Variants in TRPC5 observed in about 807,000 individuals in gnomAD.
The protein encoded by TRPC5 is transient receptor potential cation channel subfamily C member 5.
In TRPC5, 9 loss-of-function variants were observed where a neutral mutation model predicts 56.5. The ratio of observed to expected loss-of-function variants is 0.16; its 90% CI spans 0.10 to 0.28. The LOEUF (loss-of-function observed/expected upper bound fraction) is 0.28, where lower values mean the gene tolerates loss of function less well. Among genes scored for constraint, TRPC5 ranks in the 10% least tolerant of loss-of-function variants. The pLI is 1.00. For synonymous variants in TRPC5, 282 were observed against 278.5 expected (o/e 1.01, Z -0.13); for missense variants, 469 against 748.9 (o/e 0.63, Z 4.36).
At chrX:111,949,169 C>T (rs931711710) in intron 2 of TRPC5, among the ~76,000 whole-genome samples, 2 of 111,799 alleles carry the variant, frequency 1.8e-5, no homozygotes, top group Non-Finnish European at 3.8e-5. Context: ...TCATCTCTCA[C>T]GTTATACAAA....
At chrX:112,069,785 A>T (rs753185974) in intron 1 of TRPC5, among the ~76,000 whole-genome samples, 1 of 111,479 alleles carries the variant, frequency 9.0e-6, no homozygotes, top group Admixed American at 9.5e-5. Flanking sequence ...AGGGAGCCAA[A>T]CCCAGCACAC....
rs141067527 is a variant in TRPC5, at chrX:111,802,985, A to G, written c.1897-20847T>C. Among the ~76,000 whole-genome samples the G allele has an allele frequency of 1.9e-4, 21 of 110,828 alleles. No homozygotes were observed. In the East Asian group the frequency reaches 5.7e-3, roughly 30 times the overall value. ...CACCCATCAACTCATCATTTACATC[A>G]GGTGTTTCTCCTAATGCTATCCCTC... On this transcript the variant is annotated intron_variant, in intron 7 of 10. Coordinates refer to ENST00000262839, the MANE Select transcript of TRPC5 (RefSeq NM_012471.3).
chrX:111,963,303 A>C (rs1383814460), intron 1 of TRPC5, among the ~76,000 whole-genome samples: 2 of 112,641 alleles, frequency 1.8e-5, no homozygotes, highest in Non-Finnish European at 3.8e-5. Flanking sequence ...CCCAGGCTTG[A>C]TTAGGTAAAC....
At chrX:111,783,902 A>G (rs892232917) in intron 7 of TRPC5, among the ~76,000 whole-genome samples, 1 of 112,013 alleles carries the variant, frequency 8.9e-6, no homozygotes, top group African/African-American at 3.2e-5. Flanking sequence ...TTATAGTTGT[A>G]AGATATGCCT....
intron 1 of TRPC5, among the ~76,000 whole-genome samples, chrX:112,050,959 T>A (rs959877407): frequency 1.8e-5 from 2 of 112,386 alleles, no homozygotes; most frequent in African/African-American, 6.5e-5. Flanking sequence ...ATAATCCAAG[T>A]GTGCCACTTA....
At chrX:111,961,586 A>G (rs754712553) in intron 1 of TRPC5, among the ~76,000 whole-genome samples, 4 of 112,120 alleles carry the variant, frequency 3.6e-5, no homozygotes, top group Non-Finnish European at 7.5e-5. Context: ...GTATTTAACT[A>G]GTCTCAAGCT....
At chrX:112,080,954 A>G (rs1366229715) in intron 1 of TRPC5, among the ~76,000 whole-genome samples, 1 of 112,447 alleles carries the variant, frequency 8.9e-6, no homozygotes, top group East Asian at 2.8e-4. Context: ...CTCTAAAAAG[A>G]GCATTATCAA....
chrX:111,882,785 T>C (rs1444053996), intron 3 of TRPC5, among the ~76,000 whole-genome samples: 2 of 112,360 alleles, frequency 1.8e-5, no homozygotes, highest in East Asian at 5.6e-4. Context: ...GTCGGCCCAG[T>C]TAAGACCTAG....
intron 3 of TRPC5, among the ~76,000 whole-genome samples, chrX:111,876,596 T>C (rs1923955946): frequency 1.8e-5 from 2 of 111,735 alleles, no homozygotes; most frequent in Non-Finnish European, 3.8e-5. Flanking sequence ...TAAGACCTAA[T>C]GCCCTGAGGG....
At chrX:112,048,399 C>CAAAAA (rs58537492) in intron 1 of TRPC5, among the ~76,000 whole-genome samples, 649 of 21,427 alleles carry the variant, frequency 0.03, 96 homozygotes, top group African/African-American at 0.097. Flanking sequence ...GACTCCGTAT[C>CAAAAA]AAAAAAAAAA....
At chrX:112,036,329 A>T (rs1173765141) in intron 1 of TRPC5, among the ~76,000 whole-genome samples, 1 of 112,231 alleles carries the variant, frequency 8.9e-6, no homozygotes, top group Non-Finnish European at 1.9e-5. Flanking sequence ...AATGTCCACC[A>T]CTTTCACACT....
intron 1 of TRPC5, among the ~76,000 whole-genome samples, chrX:111,981,212 AAAAACCAGCAGGCTT>A (rs1340315658): frequency 9.1e-6 from 1 of 110,162 alleles, no homozygotes; most frequent in African/African-American, 3.3e-5. Flanking sequence ...GTTCCAGTTC[AAAAACCAGCAGGCTT>A]GAGACCCCTA....
At chrX:112,039,067 C>T (rs1929828936) in intron 1 of TRPC5, among the ~76,000 whole-genome samples, 1 of 110,253 alleles carries the variant, frequency 9.1e-6, no homozygotes, top group Non-Finnish European at 1.9e-5. Flanking sequence ...TTGCTTACCT[C>T]CTGGTTCTTA....
chrX:111,879,925 T>A (rs1420745078), intron 3 of TRPC5, among the ~76,000 whole-genome samples: 8 of 112,018 alleles, frequency 7.1e-5, no homozygotes, highest in Non-Finnish European at 1.3e-4. Flanking sequence ...TTCATTTTTT[T>A]TTTTCTCAAA....
At chrX:112,038,421 G>A (rs1189470527) in intron 1 of TRPC5, among the ~76,000 whole-genome samples, 2 of 111,330 alleles carry the variant, frequency 1.8e-5, no homozygotes, top group Non-Finnish European at 3.8e-5. Flanking sequence ...ACCTATTACA[G>A]GCTGTAAGAA....
intron 3 of TRPC5, among the ~76,000 whole-genome samples, chrX:111,907,707 G>T (rs991146401): frequency 9.0e-6 from 1 of 110,739 alleles, no homozygotes; most frequent in African/African-American, 3.3e-5. Flanking sequence ...TGCATCGAAA[G>T]GAAAGATTGG....
rs1159463261 is a variant in TRPC5 at position 111,909,305 on chromosome X, G to A, written c.900+2986C>T. 1.0e-4 allele frequency among the ~76,000 whole-genome samples: 11 copies of A among 107,776 alleles called. No individual in the cohort carries two copies. The South Asian group carries it at 2.0e-3, about 20-fold the overall frequency. 93.6% of individuals were successfully genotyped at this position (107,776 alleles called of 115,157 possible). ...AGATTGTGCCACGGCACTCCAGCCTGGGTGACAGAGAGAGCCTCCGTCTCA... is the reference window on the plus strand; with the variant it reads ...AGATTGTGCCACGGCACTCCAGCCTAGGTGACAGAGAGAGCCTCCGTCTCA... On this transcript the variant is annotated intron_variant, in intron 3 of 10. Transcript: ENST00000262839.
chrX:111,894,415 G>C (rs1400688965), intron 3 of TRPC5, among the ~76,000 whole-genome samples: 3 of 111,854 alleles, frequency 2.7e-5, no homozygotes, highest in African/African-American at 9.7e-5. Flanking sequence ...AAATTCAATG[G>C]GGTCAAAGAT....
At chrX:111,930,942 C>T (rs1926397077) in intron 2 of TRPC5, 1 of 139,159 alleles carries the variant, frequency 7.2e-6, no homozygotes, top group South Asian at 2.3e-4. Flanking sequence ...GAGGTAAAGT[C>T]CATGGTTCAC....
Sources: allele counts gnomAD v4.1 joint callset (sites outside exome capture counted in the v4.1 genomes callset), GRCh38; gene constraint gnomAD v4.1.1; transcripts MANE v1.5; gene names NCBI Gene and HGNC (gene_info 2026-07-23, HGNC 2026-07-21).